The following NPHP4 variants were observed in gnomAD, a reference collection of about 807,000 sequenced individuals.
NPHP4 encodes the protein nephrocystin 4, also known as nephrocystin-4.
In NPHP4, 151 loss-of-function variants were observed where a neutral mutation model predicts 155.8. The ratio of observed to expected loss-of-function variants is 0.97; its 90% CI spans 0.85 to 1.11. The LOEUF is 1.11. Among genes scored for constraint, NPHP4 ranks in the 50% least tolerant of loss-of-function variants. The pLI is 0.00. For synonymous variants in NPHP4, 845 were observed against 816.8 expected (o/e 1.03, Z -0.59); for missense variants, 1,956 against 1,925.7 (o/e 1.02, Z -0.29).
Position 5,907,175 on chromosome 1 carries a change from G to T in NPHP4, c.1551C>A (p.His517Gln). 6.3e-7 allele frequency: 1 copy of T among 1,592,118 alleles called. No individual in the cohort carries two copies. Among genetic ancestry groups the T allele is most frequent in the Non-Finnish European group, 8.6e-7 (1 of 1,169,026 alleles). Reference sequence around the variant, plus strand: ...GCTGTGAAGTAGGCCTGGCCAAGCAGTGCTGAGTCGGGGACCGCGGGGAGG... The same window carrying T: ...GCTGTGAAGTAGGCCTGGCCAAGCATTGCTGAGTCGGGGACCGCGGGGAGG... ...LAASPRSPTQ[H>Q]CLARPTSQLP... Residue 517 changes from histidine (H) to glutamine (Q), a missense_variant, in exon 13 of 30, where the codon CAC becomes CAA. Physicochemically the swap from His to Gln is conservative, Grantham distance 24. Transcript: ENST00000378156.
At chr1:5,888,687 G>T in intron 17 of NPHP4, 1 of 1,133,086 alleles carries the variant, frequency 8.8e-7, no homozygotes, top group Non-Finnish European at 1.2e-6. Flanking sequence ...TGAAAACAAG[G>T]CACCATTTTC....
chr1:5,953,341 T>C (rs1339403341), intron 6 of NPHP4, among the ~76,000 whole-genome samples: 2 of 152,188 alleles, frequency 1.3e-5, no homozygotes, highest in East Asian at 3.9e-4. Flanking sequence ...CCTAACCTTG[T>C]GATCCGCCTA....
In NPHP4 at chr1:5,867,867, G is replaced by A. The variant is rs1340607654; in HGVS notation, c.3345C>T (p.Pro1115=). The A allele has an allele frequency of 2.5e-6, 4 of 1,613,820 alleles. No homozygotes were observed. In the Admixed American group the frequency reaches 6.7e-5, roughly 27 times the overall value. ...CCACAGTCAGGCAGAGCACGGCGAT[G>A]GGCTTGCCACCACTCGCTCGGAACA... is the stretch of plus-strand genomic sequence containing the variant. The part of the protein sequence containing the change: ...KVLFRASGGK[P]IAVLCLTVEL... Residue 1115 remains proline, a synonymous_variant, in exon 24 of 30, where the codon CCC becomes CCT. Coordinates refer to ENST00000378156, the MANE Select transcript of NPHP4 (RefSeq NM_015102.5). This position sits in a 1 kb window ranked among gnomAD's most constrained non-coding sequence, Gnocchi z 4.1.
At position 5,910,154 on chromosome 1, in the gene NPHP4, AC is replaced by A. The variant is rs1015060510; in HGVS notation, c.1442-942del. ...GCCCACCATGAAACCACCAAGCCAG[AC>A]CCCAAGCCCATCCTGACGGGGCCAC... On this transcript the variant is annotated intron_variant, in intron 11 of 29. Transcript: ENST00000378156. The surrounding 1 kb of genome is among the most constrained non-coding windows in gnomAD (Gnocchi z 5.4). 3.3e-5 allele frequency among the ~76,000 whole-genome samples: 5 copies of A among 151,984 alleles called. No individual in the cohort carries two copies. The highest frequency in any genetic ancestry group is 3.3e-4 in the Admixed American group (5 of 15,276).
chr1:5,871,219 C>T (rs775206323), intron 23 of NPHP4, among the ~76,000 whole-genome samples: 2 of 152,146 alleles, frequency 1.3e-5, no homozygotes, highest in African/African-American at 2.4e-5. Flanking sequence ...TAACTCTTCC[C>T]TAAGTTCTAA....
At position 5,927,740 on chromosome 1, in the gene NPHP4, G is replaced by T; in HGVS notation, c.1350C>A (p.Gly450=). Residue 450 remains glycine, a synonymous_variant, in exon 11 of 30, where the codon GGC becomes GGA. Transcript: ENST00000378156. ...TGGGTGCATCCAGGTGTTCTTCTGA[G>T]CCCAGCGAGAACTGGAACCGGAGTG... The part of the protein sequence containing the change: ...SGTLRFQFSL[G]SEEHLDAPTE... 1 of 1,613,428 alleles carries T rather than the reference G, an allele frequency of 6.2e-7. No individual in the cohort carries two copies. The highest frequency in any genetic ancestry group is 8.5e-7 in the Non-Finnish European group (1 of 1,179,498).
chr1:5,899,518 G>A (rs531975458), intron 16 of NPHP4, among the ~76,000 whole-genome samples: 1 of 152,366 alleles, frequency 6.6e-6, no homozygotes, highest in African/African-American at 2.4e-5. Context: ...CGGTGAGGGA[G>A]GCCTCTGCAT....
chr1:5,880,547 G>A (rs773411561), intron 18 of NPHP4: 5 of 356,256 alleles, frequency 1.4e-5, no homozygotes, highest in Non-Finnish European at 2.7e-5. Flanking sequence ...TGGATCTCTG[G>A]GTCGCAAGGC....
intron 11 of NPHP4, among the ~76,000 whole-genome samples, chr1:5,914,286 A>AAAAAAAG (rs70977991): frequency 1.3e-4 from 18 of 139,922 alleles, no homozygotes; most frequent in African/African-American, 5.3e-4. Flanking sequence ...AAAAAAAAAA[A>AAAAAAAG]GGCCTGGTGT....
At position 5,944,025 on chromosome 1, in the gene NPHP4, T is replaced by TA; in HGVS notation, c.1119+3078dup. Among the ~76,000 whole-genome samples, 1 of 151,620 alleles carries TA rather than the reference T, an allele frequency of 6.6e-6. No individual in the cohort carries two copies. Among genetic ancestry groups the TA allele is most frequent in the Middle Eastern group, 3.4e-3 (1 of 294 alleles). On this transcript the variant is annotated intron_variant, in intron 9 of 29. Transcript: ENST00000378156. This position sits in a 1 kb window ranked among gnomAD's most constrained non-coding sequence, Gnocchi z 4.3. ...CTGTTAGCTTTGAAATTTCCCAAAA[T>TA]AAAAAAGTTTTTAAAAAAAAAAGAA...
At chr1:5,864,611 C>T in intron 27 of NPHP4, 94 bp from the exon 28 acceptor site, 1 of 1,250,762 alleles carries the variant, frequency 8.0e-7, no homozygotes, top group Non-Finnish European at 1.1e-6. Flanking sequence ...GCCAGGGGAG[C>T]CCAAGGTCAT....
chr1:5,905,555 C>A lies in NPHP4; in HGVS notation c.1764-72G>T, dbSNP rs887643427. ...CCATTGATGCACCTCCCTGTGGAAA[C>A]CCTGGGGTTCACAAGGTCCAACAGT... On this transcript the variant is annotated intron_variant, in intron 14 of 29. Coordinates refer to ENST00000378156, the MANE Select transcript of NPHP4 (RefSeq NM_015102.5). The surrounding 1 kb of genome is among the most constrained non-coding windows in gnomAD (Gnocchi z 4.0). 1.2e-6 allele frequency: 2 copies of A among 1,602,838 alleles called. No homozygotes were observed. The highest frequency in any genetic ancestry group is 1.7e-6 in the Non-Finnish European group (2 of 1,171,680).
intron 11 of NPHP4, among the ~76,000 whole-genome samples, chr1:5,921,820 A>G (rs1645752991): frequency 6.6e-6 from 1 of 152,234 alleles, no homozygotes; most frequent in Non-Finnish European, 1.5e-5. Flanking sequence ...TTATTATTGT[A>G]CATGACATGA....
At chr1:5,946,728 G>C (rs1188016660) in intron 9 of NPHP4, among the ~76,000 whole-genome samples, 2 of 152,234 alleles carry the variant, frequency 1.3e-5, no homozygotes, top group East Asian at 3.8e-4. Context: ...GGAGGAGAGT[G>C]ACTGAAGGTT....
At chr1:5,917,224 C>T (rs1048256167) in intron 11 of NPHP4, among the ~76,000 whole-genome samples, 3 of 152,294 alleles carry the variant, frequency 2.0e-5, no homozygotes, top group African/African-American at 7.2e-5. Context: ...CAACTGTCCC[C>T]ACCCCCATCC....
chr1:5,991,661 G>A (rs1656321217), intron 1 of NPHP4: 1 of 152,230 alleles, frequency 6.6e-6, no homozygotes, highest in South Asian at 2.1e-4. Flanking sequence ...AGGTTCCAAG[G>A]CAGGAAAGGG....
intron 5 of NPHP4, among the ~76,000 whole-genome samples, chr1:5,964,935 A>ATTTTTT (rs1476774217): frequency 2.6e-3 from 83 of 31,952 alleles, no homozygotes; most frequent in African/African-American, 3.3e-3. Context: ...ATATATATAT[A>ATTTTTT]TATATATTTT....
At chr1:5,866,207 G>A in intron 26 of NPHP4, 166 bp downstream of exon 26, 3 of 676,038 alleles carry the variant, frequency 4.4e-6, no homozygotes, top group Non-Finnish European at 8.2e-6. Flanking sequence ...CTAGACCCCT[G>A]CGGGCCCTGA....
chr1:5,947,285 C>T (rs1040221207), intron 8 of NPHP4, 55 bp from the exon 9 acceptor site: 49 of 1,597,004 alleles, frequency 3.1e-5, no homozygotes, highest in Admixed American at 3.4e-5. Flanking sequence ...CCATCCTTCC[C>T]GCATCCACGT....
Sources: gnomAD v4.1 joint callset for allele counts (sites outside exome capture counted in the v4.1 genomes callset) on GRCh38, gnomAD v4.1.1 for gene constraint, Gnocchi (gnomAD v3.1) non-coding constraint, MANE v1.5 for transcripts, NCBI Gene and HGNC (gene_info 2026-07-23, HGNC 2026-07-21) for gene names.